XRN1: variants seen among roughly 807,000 people sequenced by gnomAD.
XRN1 encodes the protein 5'-3' exoribonuclease 1.
XRN1 carries 67 observed loss-of-function variants against 222.3 expected under a neutral mutation model. That is an observed-to-expected ratio of 0.30 (90% CI 0.25 to 0.37). XRN1 has a LOEUF of 0.37. Ranked by LOEUF, XRN1 falls within the 10% of genes least tolerant of loss-of-function variation. The probability of loss-of-function intolerance (pLI) is 1.00; values close to 1 mark genes in which losing one functional copy is unlikely to be tolerated. For missense variants in XRN1, 1,707 were observed against 2,000.2 expected (o/e 0.85, Z 2.80); for synonymous variants, 643 against 652.4 (o/e 0.99, Z 0.22).
Position 142,365,027 on chromosome 3 carries a change from T to C in XRN1, c.3394+20A>G, listed in dbSNP as rs1452181018. ...ACAATATAAATTACGTTGAAGACAT[T>C]TCAAGTATTAGGATATTACCTCCTT... On this transcript the variant is annotated intron_variant, in intron 29 of 40. Coordinates refer to ENST00000392981, the MANE Select transcript of XRN1 (RefSeq NM_001282857.2). 5 of 1,606,176 alleles carry C rather than the reference T, an allele frequency of 3.1e-6. No individual in the cohort carries two copies. The highest frequency in any genetic ancestry group is 4.2e-6 in the Non-Finnish European group (5 of 1,177,446).
At chr3:142,393,565 C>A (rs1041633753) in intron 20 of XRN1, among the ~76,000 whole-genome samples, 1 of 151,470 alleles carries the variant, frequency 6.6e-6, no homozygotes, top group South Asian at 2.1e-4. Flanking sequence ...TTTCCCAGCA[C>A]CATTTATTAA....
At chr3:142,368,136 CAT>C (rs2107875313) in intron 27 of XRN1, among the ~76,000 whole-genome samples, 1 of 150,914 alleles carries the variant, frequency 6.6e-6, no homozygotes, top group Admixed American at 6.6e-5. Context: ...AATTTATAAA[CAT>C]ATAAATTTAA....
At chr3:142,409,914 CTTATT>C (rs2068500013) in intron 15 of XRN1, among the ~76,000 whole-genome samples, 2 of 151,978 alleles carry the variant, frequency 1.3e-5, no homozygotes, top group African/African-American at 4.8e-5. Flanking sequence ...CTTTAAGCTT[CTTATT>C]TTAAAAGTTT....
At position 142,381,111 on chromosome 3, in the gene XRN1, A is replaced by G. The variant is rs186034895; in HGVS notation, c.2617-931T>C. Among the ~76,000 whole-genome samples the G allele has an allele frequency of 4.4e-3, 671 of 150,834 alleles. 9 individuals are homozygous for G. The highest frequency in any genetic ancestry group is 3.7e-3 in the Non-Finnish European group (248 of 67,936). The stretch of plus-strand genomic sequence containing the variant: ...CGAGACTCTGTCTCCAAAAAAAAAA[A>G]GAAAGAAAGAAAAGAAAAAAAATTT... On this transcript the variant is annotated intron_variant, in intron 22 of 40. Transcript: ENST00000392981.
chr3:142,442,593 G>C (rs1026835582), intron 1 of XRN1, among the ~76,000 whole-genome samples: 1 of 152,172 alleles, frequency 6.6e-6, no homozygotes, highest in Admixed American at 6.5e-5. Flanking sequence ...CTTAGGCATT[G>C]ATAGCACCCA....
At chr3:142,360,568 AAAAC>A (rs1299031340) in intron 29 of XRN1, among the ~76,000 whole-genome samples, 1 of 152,068 alleles carries the variant, frequency 6.6e-6, no homozygotes, top group East Asian at 1.9e-4. Flanking sequence ...TTAAAAAAAA[AAAAC>A]AGTCTTACTG....
In XRN1 at chr3:142,307,329, T is replaced by C. The variant is rs2064989336; in HGVS notation, c.*4182A>G. 6.6e-6 allele frequency: 1 copy of C among 151,476 alleles called. No homozygotes were observed. Among genetic ancestry groups the C allele is most frequent in the African/African-American group, 2.4e-5 (1 of 41,140 alleles). The allele number at this position is 151,476 out of a possible 1,614,324, so 9.4% of individuals were successfully genotyped here. A position where few individuals can be genotyped will look rare whatever the true frequency, so the allele number is the denominator to read the frequency against. ...CTGGACAATTTAATAGTATACCAAC[T>C]GCTGAAACAACCAAGTGCAGTTGGT... On this transcript the variant is annotated 3_prime_UTR_variant, in exon 41 of 41. Transcript: ENST00000392981.
intron 37 of XRN1, among the ~76,000 whole-genome samples, chr3:142,325,083 A>C (rs1284523292): frequency 6.6e-6 from 1 of 152,172 alleles, no homozygotes; most frequent in African/African-American, 2.4e-5. Context: ...TATACCCAGC[A>C]GTGGAATTGC....
chr3:142,428,269 C>G (rs1272296901), intron 2 of XRN1, among the ~76,000 whole-genome samples: 1 of 151,706 alleles, frequency 6.6e-6, no homozygotes, highest in Non-Finnish European at 1.5e-5. Flanking sequence ...GGTGGTGCGG[C>G]CTGTAGTCCC....
At chr3:142,438,693 G>A (rs112828099) in intron 1 of XRN1, among the ~76,000 whole-genome samples, 19,475 of 152,104 alleles carry the variant, frequency 0.13, 1,322 homozygotes, top group Non-Finnish European at 0.15. Flanking sequence ...GCCTGGCCAC[G>A]ATATCCTCTT....
Position 142,447,123 on chromosome 3 carries a change from G to A in XRN1, c.75+747C>T, listed in dbSNP as rs1246574146. ...TTCCAATATATAAACTACGTTTTCG[G>A]AATCTACACATTAACGTTGTCCTGG... On this transcript the variant is annotated intron_variant, in intron 1 of 40. Coordinates refer to ENST00000392981, the MANE Select transcript of XRN1 (RefSeq NM_001282857.2). This position sits in a 1 kb window ranked among gnomAD's most constrained non-coding sequence, Gnocchi z 4.2. Among the ~76,000 whole-genome samples the A allele has an allele frequency of 4.0e-5, 6 of 149,560 alleles. No homozygotes were observed. The highest frequency in any genetic ancestry group is 4.0e-4 in the Admixed American group (6 of 15,094).
intron 33 of XRN1, among the ~76,000 whole-genome samples, chr3:142,336,680 GA>G (rs1458552211): frequency 1.3e-5 from 2 of 151,750 alleles, no homozygotes. Flanking sequence ...AGGAAGGGAA[GA>G]AAGTAATCTT....
At position 142,315,969 on chromosome 3, in the gene XRN1, T is replaced by C. The variant is rs187661255; in HGVS notation, c.4621+2623A>G. 1.2e-3 allele frequency among the ~76,000 whole-genome samples: 179 copies of C among 152,322 alleles called. 1 individual carries two copies. Among genetic ancestry groups the C allele is most frequent in the African/African-American group, 4.0e-3 (166 of 41,584 alleles). On this transcript the variant is annotated intron_variant, in intron 39 of 40. Transcript: ENST00000392981. ...TAGGTCTACTGACTTCCTATTCAGA[T>C]AGAACAAAATTTAGTTTTTTTGCAT...
intron 37 of XRN1, among the ~76,000 whole-genome samples, chr3:142,326,156 A>AT (rs746915146): frequency 0.04 from 5,546 of 139,754 alleles, 121 homozygotes; most frequent in Middle Eastern, 0.068. Context: ...AAATTTTAGG[A>AT]TTTTTTTTTT....
At chr3:142,400,586 G>C (rs919912345) in intron 18 of XRN1, 39 bp from the exon 19 acceptor site, 1 of 1,545,606 alleles carries the variant, frequency 6.5e-7, no homozygotes, top group African/African-American at 1.4e-5. Flanking sequence ...ATGATTTCAG[G>C]TCTAAGAGAA....
intron 20 of XRN1, 121 bp from the exon 21 acceptor site, chr3:142,384,806 A>G (rs1322852923): frequency 1.3e-6 from 1 of 751,328 alleles, no homozygotes; most frequent in Non-Finnish European, 2.0e-6. Context: ...AACTTTAAAT[A>G]AATACGCTAG....
At chr3:142,345,171 A>C (rs2066109340) in intron 33 of XRN1, among the ~76,000 whole-genome samples, 1 of 152,198 alleles carries the variant, frequency 6.6e-6, no homozygotes, top group Non-Finnish European at 1.5e-5. Context: ...CCTGGGTTCA[A>C]GCAATCCTCC....
intron 2 of XRN1, among the ~76,000 whole-genome samples, chr3:142,431,895 A>ATAATATAATG (rs1559879613): frequency 3.1e-5 from 1 of 32,420 alleles, no homozygotes; most frequent in Non-Finnish European, 5.5e-5. Context: ...TATATATAAT[A>ATAATATAATG]TATATATTAT....
At chr3:142,372,490 T>C (rs1426292763) in intron 25 of XRN1, among the ~76,000 whole-genome samples, 1 of 152,112 alleles carries the variant, frequency 6.6e-6, no homozygotes, top group East Asian at 1.9e-4. Flanking sequence ...CCCACAAAGA[T>C]CTCAAACTGG....
Sources: gnomAD v4.1 joint callset for allele counts (sites outside exome capture counted in the v4.1 genomes callset) on GRCh38, gnomAD v4.1.1 for gene constraint, Gnocchi (gnomAD v3.1) non-coding constraint, MANE v1.5 for transcripts, NCBI Gene and HGNC (gene_info 2026-07-23, HGNC 2026-07-21) for gene names.